The following PLXDC2 variants were observed in gnomAD, a reference collection of about 807,000 sequenced individuals.
PLXDC2 encodes the protein plexin domain-containing protein 2.
A neutral mutation model predicts 68.9 loss-of-function variants in PLXDC2; 40 were observed. That is an observed-to-expected ratio of 0.58 (90% CI 0.45 to 0.76). PLXDC2 has a LOEUF of 0.76. PLXDC2 is among the 30% of genes least tolerant of loss of function. The pLI is 0.00. For missense variants in PLXDC2, 644 were observed against 661.9 expected, an observed-to-expected ratio of 0.97 and a Z score of 0.30; for synonymous variants, 243 against 234.2, an observed-to-expected ratio of 1.04 and a Z score of -0.34.
In PLXDC2 at chr10:20,032,858, CA is replaced by C. The variant is rs527763104; in HGVS notation, c.325-14010del. Among the ~76,000 whole-genome samples the C allele has an allele frequency of 2.8e-3, 418 of 151,810 alleles. 6 individuals are homozygous for C. The highest frequency in any genetic ancestry group is 9.1e-3 in the African/African-American group (376 of 41,416). On this transcript the variant is annotated intron_variant, in intron 2 of 13. Transcript: ENST00000377252. ...TGCCAAGCAGAGGACTTGGGAATAT[CA>C]TAGGTACATACATGTTAGTTACACT...
intron 1 of PLXDC2, among the ~76,000 whole-genome samples, chr10:19,866,656 G>C (rs1275223992): frequency 6.6e-6 from 1 of 152,196 alleles, no homozygotes; most frequent in Admixed American, 6.5e-5. Flanking sequence ...AGGATTTGCA[G>C]CAAGAGAAAG....
At chr10:20,154,878 T>C (rs1441775973) in intron 6 of PLXDC2, among the ~76,000 whole-genome samples, 2 of 151,914 alleles carry the variant, frequency 1.3e-5, no homozygotes, top group Non-Finnish European at 2.9e-5. Context: ...TCCTACTAGA[T>C]GGCAACAGGA....
In PLXDC2 at chr10:20,065,855, C is replaced by T. The variant is rs145208017; in HGVS notation, c.472-2315C>T. Among the ~76,000 whole-genome samples the T allele has an allele frequency of 4.6e-5, 7 of 152,336 alleles. No homozygotes were observed. The East Asian group carries it at 7.7e-4, about 17-fold the overall frequency. On this transcript the variant is annotated intron_variant, in intron 3 of 13. Coordinates refer to ENST00000377252, the MANE Select transcript of PLXDC2 (RefSeq NM_032812.9). ...CATGGGGAGTGGCTGTAAATACTGACGAAGCTTCCCTGGGTTGCCTGCTGC... is the reference window on the plus strand; with the variant it reads ...CATGGGGAGTGGCTGTAAATACTGATGAAGCTTCCCTGGGTTGCCTGCTGC...
At position 19,818,843 on chromosome 10, in the gene PLXDC2, A is replaced by G. The variant is rs546741436; in HGVS notation, c.112+1652A>G. The stretch of plus-strand genomic sequence containing the variant: ...AATAGATGCTTAATAAAAACAATTA[A>G]CTCCACCACAAACGAGGTTAAAAGG... On this transcript the variant is annotated intron_variant, in intron 1 of 13. Transcript: ENST00000377252. Among the ~76,000 whole-genome samples the G allele has an allele frequency of 5.3e-5, 8 of 152,120 alleles. No individual in the cohort carries two copies. In the South Asian group the frequency reaches 1.7e-3, roughly 32 times the overall value.
In PLXDC2 at chr10:20,062,575, AG is replaced by A. The variant is rs530657791; in HGVS notation, c.472-5594del. Among the ~76,000 whole-genome samples, 51 of 152,328 alleles carry A rather than the reference AG, an allele frequency of 3.3e-4. 1 individual carries two copies. In the South Asian group the frequency reaches 9.7e-3, roughly 29 times the overall value. On this transcript the variant is annotated intron_variant, in intron 3 of 13. Transcript: ENST00000377252. ...CTAAAGCATTGAATAATTTGGAAAA[AG>A]TGATTAAATATTTAAAAATACAGTT...
At chr10:20,238,674 T>TACACACAC (rs1835469058) in intron 12 of PLXDC2, among the ~76,000 whole-genome samples, 1 of 104,452 alleles carries the variant, frequency 9.6e-6, no homozygotes, top group South Asian at 2.9e-4. Flanking sequence ...TATATATATA[T>TACACACAC]ATGTATATAT....
chr10:19,968,609 G>A (rs553653951), intron 1 of PLXDC2, among the ~76,000 whole-genome samples: 9 of 152,100 alleles, frequency 5.9e-5, no homozygotes, highest in South Asian at 2.1e-4. Flanking sequence ...CACCGCACCC[G>A]GCCCATTTCT....
At chr10:19,867,897 T>C (rs1345522649) in intron 1 of PLXDC2, among the ~76,000 whole-genome samples, 2 of 152,286 alleles carry the variant, frequency 1.3e-5, no homozygotes, top group Admixed American at 1.3e-4. Flanking sequence ...ATTTGGTTAT[T>C]TGTTGTCAAC....
Position 19,910,168 on chromosome 10 carries a change from TTATATATATATA to T in PLXDC2, c.113-91591_113-91580del, listed in dbSNP as rs3043811. The stretch of plus-strand genomic sequence containing the variant: ...ACAGTGACTAGTAAATTGTACACTT[TTATATATATATA>T]TATATATATATATATGTCTGCAAGT... On this transcript the variant is annotated intron_variant, in intron 1 of 13. Coordinates refer to ENST00000377252, the MANE Select transcript of PLXDC2 (RefSeq NM_032812.9). Among the ~76,000 whole-genome samples the T allele has an allele frequency of 5.7e-4, 83 of 145,260 alleles. 1 individual carries two copies. The highest frequency in any genetic ancestry group is 2.0e-3 in the African/African-American group (79 of 39,668).
At position 20,238,696 on chromosome 10, in the gene PLXDC2, C is replaced by CACACACATATATGTGTATATATAT. The variant is rs1554777591; in HGVS notation, c.1313-6646_1313-6645insCACATATATGTGTATATATATACA. On this transcript the variant is annotated intron_variant, in intron 12 of 13. Coordinates refer to ENST00000377252, the MANE Select transcript of PLXDC2 (RefSeq NM_032812.9). ...ATATATGTATATATATATATATACA[C>CACACACATATATGTGTATATATAT]ACATATATATGTGTATATATACACA... 1.5e-3 allele frequency among the ~76,000 whole-genome samples: 168 copies of CACACACATATATGTGTATATATAT among 113,218 alleles called. 3 individuals carry two copies. Among genetic ancestry groups the CACACACATATATGTGTATATATAT allele is most frequent in the African/African-American group, 5.5e-3 (159 of 28,824 alleles). 74.3% of individuals were successfully genotyped at this position (113,218 alleles called of 152,430 possible).
At chr10:20,145,935 T>A (rs1834071314) in intron 5 of PLXDC2, among the ~76,000 whole-genome samples, 1 of 152,172 alleles carries the variant, frequency 6.6e-6, no homozygotes, top group Non-Finnish European at 1.5e-5. Flanking sequence ...CTTTAATTTA[T>A]ATAGCCCTCT....
At chr10:19,893,623 T>C (rs1190457571) in intron 1 of PLXDC2, among the ~76,000 whole-genome samples, 1 of 152,254 alleles carries the variant, frequency 6.6e-6, no homozygotes, top group Non-Finnish European at 1.5e-5. Flanking sequence ...TAATAATGGC[T>C]CCTTTTGCAA....
At position 20,289,601 on chromosome 10, in the gene PLXDC2, T is replaced by C. The variant is rs955429; in HGVS notation, c.*9782T>C. 22,918 of 152,130 alleles carry C rather than the reference T, an allele frequency of 0.15. 2,215 individuals are homozygous for C. The highest frequency in any genetic ancestry group is 0.43 in the East Asian group (2,243 of 5,164). The allele number at this position is 152,130 out of a possible 1,614,324, so 9.4% of individuals were successfully genotyped here. The stretch of plus-strand genomic sequence containing the variant: ...GCAAGATGTCTCCAATTCTGAATAT[T>C]CCTTCCCCTTTTCCCAATCCTCCAC... On this transcript the variant is annotated 3_prime_UTR_variant, in exon 14 of 14. Coordinates refer to ENST00000377252, the MANE Select transcript of PLXDC2 (RefSeq NM_032812.9).
intron 1 of PLXDC2, among the ~76,000 whole-genome samples, chr10:19,882,886 T>A (rs1490906838): frequency 2.0e-5 from 3 of 151,978 alleles, no homozygotes; most frequent in Non-Finnish European, 4.4e-5. Flanking sequence ...CTTGGTTTTG[T>A]TTTTGCTTTT....
In PLXDC2 at chr10:20,281,413, G is replaced by A. The variant is rs1447050601; in HGVS notation, c.*1594G>A. On this transcript the variant is annotated 3_prime_UTR_variant, in exon 14 of 14. Coordinates refer to ENST00000377252, the MANE Select transcript of PLXDC2 (RefSeq NM_032812.9). ...AAACTGTTGGCTTTTGTAAGGTACA[G>A]TGCTCAACATTTGCAGATTCAGGTC... is the stretch of plus-strand genomic sequence containing the variant. The A allele has an allele frequency of 6.6e-6, 1 of 152,104 alleles. No homozygotes were observed. Among genetic ancestry groups the A allele is most frequent in the African/African-American group, 2.4e-5 (1 of 41,424 alleles). The allele number at this position is 152,104 out of a possible 1,614,324, so 9.4% of individuals were successfully genotyped here. A position where few individuals can be genotyped will look rare whatever the true frequency, so the allele number is the denominator to read the frequency against.
At chr10:20,279,255 C>A (rs528136322) in intron 13 of PLXDC2, among the ~76,000 whole-genome samples, 1 of 152,194 alleles carries the variant, frequency 6.6e-6, no homozygotes, top group East Asian at 1.9e-4. Flanking sequence ...CTAGGAACAG[C>A]AGAATTTTTT....
chr10:20,070,276 A>G (rs533449735), intron 4 of PLXDC2, among the ~76,000 whole-genome samples: 20 of 152,330 alleles, frequency 1.3e-4, no homozygotes, highest in African/African-American at 4.8e-4. Flanking sequence ...AGAAAGACTG[A>G]AGTTAGTACA....
intron 3 of PLXDC2, among the ~76,000 whole-genome samples, chr10:20,051,272 T>A (rs891100208): frequency 1.3e-5 from 2 of 151,652 alleles, no homozygotes; most frequent in Non-Finnish European, 2.9e-5. Flanking sequence ...GCAGAAAAGG[T>A]AACAATTGGT....
intron 1 of PLXDC2, among the ~76,000 whole-genome samples, chr10:19,938,495 G>C (rs1301942303): frequency 6.6e-6 from 1 of 152,132 alleles, no homozygotes; most frequent in African/African-American, 2.4e-5. Context: ...GCAGGAGCAG[G>C]ACTGAGAGAG....
Sources: allele counts gnomAD v4.1 joint callset (sites outside exome capture counted in the v4.1 genomes callset), GRCh38; gene constraint gnomAD v4.1.1; transcripts MANE v1.5; gene names NCBI Gene and HGNC (gene_info 2026-07-23, HGNC 2026-07-21).